The following ZSWIM5 variants were observed in gnomAD, a reference collection of about 807,000 sequenced individuals.
The protein encoded by ZSWIM5 is zinc finger SWIM domain-containing protein 5.
In ZSWIM5, 55 loss-of-function variants were observed where a neutral mutation model predicts 119.6. The observed-to-expected ratio is 0.46, with a 90% CI of 0.37 to 0.58. ZSWIM5 has a LOEUF of 0.58. ZSWIM5 is among the 20% of genes least tolerant of loss of function. ZSWIM5 has a pLI of 0.00. For synonymous variants in ZSWIM5, 537 were observed against 606.9 expected (o/e 0.88, Z 1.69); for missense variants, 1,193 against 1,512.8 (o/e 0.79, Z 3.51).
chr1:45,051,106 T>C lies in ZSWIM5; in HGVS notation c.1400A>G (p.Asn467Ser), dbSNP rs1202191653. The change falls in exon 5 of 14, where the codon AAT becomes AGT. Residue 467 changes from asparagine (N) to serine (S), a missense_variant. Asn to Ser is a conservative substitution (Grantham distance 46). Transcript: ENST00000359600. ...NYGHELPNIT[N>S]ALPQSAIHSP... ...GTGAATGGCACTCTGGGGAAGTGCATTGGTGATGTTGGGCAGCTCATGTCC... is the reference window on the plus strand; with the variant it reads ...GTGAATGGCACTCTGGGGAAGTGCACTGGTGATGTTGGGCAGCTCATGTCC... 4.3e-6 allele frequency: 7 copies of C among 1,613,988 alleles called. No individual in the cohort carries two copies. Among genetic ancestry groups the C allele is most frequent in the East Asian group, 4.5e-5 (2 of 44,884 alleles).
intron 1 of ZSWIM5, among the ~76,000 whole-genome samples, chr1:45,152,474 G>A (rs1645803372): frequency 6.6e-6 from 1 of 151,606 alleles, no homozygotes; most frequent in Admixed American, 6.6e-5. Context: ...TCTGATCTTT[G>A]ACAAAGTCAA....
Position 45,018,297 on chromosome 1 carries a change from T to C in ZSWIM5, c.*157A>G. 1.1e-6 allele frequency: 1 copy of C among 902,376 alleles called. No individual in the cohort carries two copies. The highest frequency in any genetic ancestry group is 2.6e-5 in the East Asian group (1 of 37,966). The allele number at this position is 902,376 out of a possible 1,614,324, so 55.9% of individuals were successfully genotyped here. ...GCTTGCCAAGGTAGGCATTATCGACTAGAGCTGGACTTTCCCCATCCTTAG... is the reference window on the plus strand; with the variant it reads ...GCTTGCCAAGGTAGGCATTATCGACCAGAGCTGGACTTTCCCCATCCTTAG... On this transcript the variant is annotated 3_prime_UTR_variant, in exon 14 of 14. Coordinates refer to ENST00000359600, the MANE Select transcript of ZSWIM5 (RefSeq NM_020883.2). The surrounding 1 kb of genome is among the most constrained non-coding windows in gnomAD (Gnocchi z 6.7).
At chr1:45,084,084 A>T (rs1251207979) in intron 2 of ZSWIM5, among the ~76,000 whole-genome samples, 2 of 152,006 alleles carry the variant, frequency 1.3e-5, no homozygotes, top group African/African-American at 4.8e-5. Flanking sequence ...TAATTTTTGA[A>T]TTTTTTGTGG....
intron 1 of ZSWIM5, among the ~76,000 whole-genome samples, chr1:45,096,556 ACACACACACACACACACACAG>A (rs1645404599): frequency 6.8e-6 from 1 of 148,118 alleles, no homozygotes; most frequent in Non-Finnish European, 1.5e-5. Flanking sequence ...ACACACACGC[ACACACACACACACACACACAG>A]CCCTCAAGTG....
chr1:45,098,107 AAAGAGACAGAG>A (rs142430365), intron 1 of ZSWIM5, among the ~76,000 whole-genome samples: 3,134 of 152,288 alleles, frequency 0.021, 114 homozygotes, highest in African/African-American at 0.072. Flanking sequence ...AGACAGACAA[AAAGAGACAGAG>A]ACACATATGC....
intron 1 of ZSWIM5, among the ~76,000 whole-genome samples, chr1:45,150,779 T>C (rs1645792668): frequency 6.6e-6 from 1 of 152,216 alleles, no homozygotes; most frequent in Non-Finnish European, 1.5e-5. Context: ...GTCTGGTATA[T>C]TACTTTCATT....
intron 11 of ZSWIM5, among the ~76,000 whole-genome samples, chr1:45,027,132 T>C (rs1260785225): frequency 6.6e-6 from 1 of 151,762 alleles, no homozygotes; most frequent in Non-Finnish European, 1.5e-5. Context: ...AGCCTAAAGG[T>C]TTATCAATTT....
chr1:45,084,839 C>T (rs909971828), intron 2 of ZSWIM5, among the ~76,000 whole-genome samples: 9 of 152,218 alleles, frequency 5.9e-5, no homozygotes, highest in African/African-American at 2.2e-4. Flanking sequence ...GTGTTGAGTG[C>T]CTGTGGCTTT....
At chr1:45,117,066 G>A (rs1446689425) in intron 1 of ZSWIM5, among the ~76,000 whole-genome samples, 3 of 152,210 alleles carry the variant, frequency 2.0e-5, no homozygotes, top group Non-Finnish European at 4.4e-5. Flanking sequence ...AACCTACACA[G>A]AAGGCAGCCT....
intron 1 of ZSWIM5, among the ~76,000 whole-genome samples, chr1:45,183,725 A>T (rs937129265): frequency 9.2e-5 from 14 of 152,358 alleles, no homozygotes; most frequent in Middle Eastern, 3.4e-3. Context: ...TGAATAGACC[A>T]ATAACAGGAG....
intron 1 of ZSWIM5, among the ~76,000 whole-genome samples, chr1:45,096,928 A>G (rs1645406881): frequency 6.6e-6 from 1 of 152,228 alleles, no homozygotes; most frequent in Non-Finnish European, 1.5e-5. Context: ...TAAATGAGCC[A>G]TGCTTTCTTT....
At chr1:45,120,447 G>T (rs1325058404) in intron 1 of ZSWIM5, among the ~76,000 whole-genome samples, 3 of 151,838 alleles carry the variant, frequency 2.0e-5, no homozygotes, top group Non-Finnish European at 4.4e-5. Context: ...TCCATATTCA[G>T]TTCTCTATCT....
chr1:45,193,985 A>G (rs1646108017), intron 1 of ZSWIM5, among the ~76,000 whole-genome samples: 1 of 150,712 alleles, frequency 6.6e-6, no homozygotes, highest in South Asian at 2.1e-4. Flanking sequence ...AGATAAATCC[A>G]AATACATGTG....
chr1:45,170,111 G>C (rs546029052), intron 1 of ZSWIM5, among the ~76,000 whole-genome samples: 1 of 152,164 alleles, frequency 6.6e-6, no homozygotes, highest in Non-Finnish European at 1.5e-5. Context: ...ATACACTGCT[G>C]TACCTACATT....
At chr1:45,078,307 C>A (rs1645267394) in intron 2 of ZSWIM5, among the ~76,000 whole-genome samples, 1 of 152,220 alleles carries the variant, frequency 6.6e-6, no homozygotes, top group Non-Finnish European at 1.5e-5. Context: ...TCCCGCAACA[C>A]CTGTCCTTCT....
intron 1 of ZSWIM5, among the ~76,000 whole-genome samples, chr1:45,175,906 G>T (rs895411498): frequency 6.6e-6 from 1 of 151,674 alleles, no homozygotes; most frequent in South Asian, 2.1e-4. Flanking sequence ...TATCCTTTTT[G>T]ATGTGTTGCT....
intron 1 of ZSWIM5, among the ~76,000 whole-genome samples, chr1:45,138,949 T>C (rs1645707558): frequency 6.6e-6 from 1 of 150,762 alleles, no homozygotes; most frequent in East Asian, 2.0e-4. Flanking sequence ...TGGAGTGCAA[T>C]GGAGTGATCT....
chr1:45,184,531 G>C (rs1233867318), intron 1 of ZSWIM5, among the ~76,000 whole-genome samples: 3 of 152,296 alleles, frequency 2.0e-5, no homozygotes, highest in Non-Finnish European at 4.4e-5. Flanking sequence ...TCCTTAAGCT[G>C]ATAAGCAACT....
At chr1:45,040,289 G>T in intron 7 of ZSWIM5, 103 bp downstream of exon 7, 1 of 1,256,766 alleles carries the variant, frequency 8.0e-7, no homozygotes, top group Non-Finnish European at 1.1e-6. Context: ...CACACAGCAA[G>T]GAGAATGACC....
Sources: allele counts gnomAD v4.1 joint callset (sites outside exome capture counted in the v4.1 genomes callset), GRCh38; gene constraint gnomAD v4.1.1; non-coding constraint Gnocchi (gnomAD v3.1); transcripts MANE v1.5; gene names NCBI Gene and HGNC (gene_info 2026-07-23, HGNC 2026-07-21).